HTR1F: variants seen among roughly 807,000 people sequenced by gnomAD.
HTR1F encodes the protein 5-hydroxytryptamine (serotonin) receptor 1F, G protein-coupled.
A neutral mutation model predicts 24.0 loss-of-function variants in HTR1F; 17 were observed. The observed-to-expected ratio is 0.71, with a 90% CI of 0.48 to 1.06. HTR1F has a LOEUF of 1.06. Among genes scored for constraint, HTR1F ranks in the 50% least tolerant of loss-of-function variants. The pLI is 0.00. For synonymous variants in HTR1F, 186 were observed against 156.8 expected, an observed-to-expected ratio of 1.19 and a Z score of -1.39; for missense variants, 391 against 427.8, an observed-to-expected ratio of 0.91 and a Z score of 0.76.
At chr3:87,796,853 T>G (rs186285167) in intron 1 of HTR1F, among the ~76,000 whole-genome samples, 1 of 152,230 alleles carries the variant, frequency 6.6e-6, no homozygotes, top group African/African-American at 2.4e-5. Flanking sequence ...ATTTATCTTA[T>G]AGATATGCTT....
chr3:87,911,022 G>A (rs1703767371), intron 2 of HTR1F, among the ~76,000 whole-genome samples: 1 of 151,812 alleles, frequency 6.6e-6, no homozygotes, highest in South Asian at 2.1e-4. Context: ...AAAAAAGTGA[G>A]AATAATCTCA....
At chr3:87,817,983 G>C (rs1242146486) in intron 1 of HTR1F, among the ~76,000 whole-genome samples, 1 of 152,104 alleles carries the variant, frequency 6.6e-6, no homozygotes, top group Non-Finnish European at 1.5e-5. Flanking sequence ...TTCAGAAATG[G>C]CACTCTACAA....
intron 2 of HTR1F, among the ~76,000 whole-genome samples, chr3:87,859,105 G>A (rs939908695): frequency 7.9e-5 from 12 of 152,204 alleles, no homozygotes; most frequent in Non-Finnish European, 1.8e-4. Flanking sequence ...GGCTGAGGCA[G>A]GAGAATTGCT....
At chr3:87,859,451 G>T (rs1705270676) in intron 2 of HTR1F, among the ~76,000 whole-genome samples, 1 of 152,150 alleles carries the variant, frequency 6.6e-6, no homozygotes, top group Non-Finnish European at 1.5e-5. Context: ...TTCTACAGTA[G>T]AACCACAAAA....
chr3:87,962,865 C>T (rs1705090354), intron 2 of HTR1F, among the ~76,000 whole-genome samples: 1 of 151,928 alleles, frequency 6.6e-6, no homozygotes, highest in African/African-American at 2.4e-5. Context: ...ATGCAGACAA[C>T]CTTCCCCTCA....
chr3:87,864,239 A>C (rs1488375476), intron 2 of HTR1F, among the ~76,000 whole-genome samples: 1 of 152,200 alleles, frequency 6.6e-6, no homozygotes, highest in African/African-American at 2.4e-5. Flanking sequence ...GGGCATTAGA[A>C]CATGGACAGT....
chr3:87,841,332 C>A (rs1223573257), intron 2 of HTR1F, among the ~76,000 whole-genome samples: 1 of 151,842 alleles, frequency 6.6e-6, no homozygotes, highest in Non-Finnish European at 1.5e-5. Context: ...AGCAAAACTT[C>A]TCTAGGATTT....
intron 2 of HTR1F, among the ~76,000 whole-genome samples, chr3:87,923,379 C>T (rs1245773825): frequency 6.6e-6 from 1 of 151,932 alleles, no homozygotes; most frequent in Non-Finnish European, 1.5e-5. Flanking sequence ...AATCCATAAA[C>T]ACAAGATGTT....
At chr3:87,933,124 G>T (rs1704323773) in intron 2 of HTR1F, among the ~76,000 whole-genome samples, 1 of 151,840 alleles carries the variant, frequency 6.6e-6, no homozygotes, top group Non-Finnish European at 1.5e-5. Context: ...CTCAATAGAT[G>T]CAGAAAAGGC....
At position 87,859,675 on chromosome 3, in the gene HTR1F, C is replaced by A. The variant is rs75496650; in HGVS notation, c.-43+37551C>A. Among the ~76,000 whole-genome samples, 47 of 152,310 alleles carry A rather than the reference C, an allele frequency of 3.1e-4. 1 individual carries two copies. The East Asian group carries it at 9.1e-3, about 29-fold the overall frequency. On this transcript the variant is annotated intron_variant, in intron 2 of 2. Coordinates refer to ENST00000319595, the MANE Select transcript of HTR1F (RefSeq NM_001322209.2). Reference sequence around the variant, plus strand: ...GAAGCATGAGGTTTCCTAGGCAGAGCCTGTGTGCTCTCCACAGTGGCTCAG... The same window carrying A: ...GAAGCATGAGGTTTCCTAGGCAGAGACTGTGTGCTCTCCACAGTGGCTCAG...
At chr3:87,798,775 C>T (rs1228229098) in intron 1 of HTR1F, among the ~76,000 whole-genome samples, 1 of 152,158 alleles carries the variant, frequency 6.6e-6, no homozygotes, top group Non-Finnish European at 1.5e-5. Context: ...GACTCAGTAA[C>T]ATTGGACAAA....
intron 2 of HTR1F, among the ~76,000 whole-genome samples, chr3:87,904,142 A>T (rs1243025506): frequency 3.3e-5 from 5 of 152,280 alleles, no homozygotes; most frequent in Admixed American, 2.6e-4. Context: ...ATTAATCCTC[A>T]GAAAAAGACA....
intron 2 of HTR1F, among the ~76,000 whole-genome samples, chr3:87,984,554 C>A (rs1705621764): frequency 6.6e-6 from 1 of 152,038 alleles, no homozygotes; most frequent in Non-Finnish European, 1.5e-5. Flanking sequence ...CCTCTACCTC[C>A]CAGGTACAAG....
At chr3:87,833,623 T>A (rs1483103175) in intron 2 of HTR1F, among the ~76,000 whole-genome samples, 2 of 152,060 alleles carry the variant, frequency 1.3e-5, no homozygotes, top group Admixed American at 6.5e-5. Flanking sequence ...TGACTCAGCC[T>A]CCCAAGTAGC....
At chr3:87,943,663 T>C (rs12493835) in intron 2 of HTR1F, among the ~76,000 whole-genome samples, 16,667 of 151,830 alleles carry the variant, frequency 0.11, 938 homozygotes, top group Non-Finnish European at 0.16. Flanking sequence ...TAATTGCGAG[T>C]TGTCTCTTAA....
At chr3:87,809,359 C>G (rs781703096) in intron 1 of HTR1F, among the ~76,000 whole-genome samples, 2 of 151,874 alleles carry the variant, frequency 1.3e-5, no homozygotes. Context: ...CCTCCTTCTT[C>G]AACTCAAAAA....
chr3:87,909,984 G>A (rs1269325032), intron 2 of HTR1F, among the ~76,000 whole-genome samples: 1 of 151,920 alleles, frequency 6.6e-6, no homozygotes, highest in South Asian at 2.1e-4. Context: ...TCTTAATACA[G>A]ACTAACTACA....
intron 2 of HTR1F, among the ~76,000 whole-genome samples, chr3:87,883,590 A>G (rs1282448009): frequency 6.6e-6 from 1 of 152,120 alleles, no homozygotes; most frequent in Non-Finnish European, 1.5e-5. Flanking sequence ...AAAAGAAACT[A>G]AAAACTAGAA....
At chr3:87,806,326 T>C (rs1246769940) in intron 1 of HTR1F, among the ~76,000 whole-genome samples, 2 of 152,096 alleles carry the variant, frequency 1.3e-5, no homozygotes, top group Non-Finnish European at 2.9e-5. Flanking sequence ...CTGTTTTCCA[T>C]AGTGGCTATA....
Sources: allele counts gnomAD v4.1 joint callset (sites outside exome capture counted in the v4.1 genomes callset), GRCh38; gene constraint gnomAD v4.1.1; transcripts MANE v1.5; gene names NCBI Gene and HGNC (gene_info 2026-07-23, HGNC 2026-07-21).